SHISA9: variants seen among roughly 807,000 people sequenced by gnomAD.
The protein encoded by SHISA9 is shisa family member 9, also known as protein shisa-9.
Under a neutral mutation model 38.0 loss-of-function variants are expected in SHISA9, and 13 were observed. That is an observed-to-expected ratio of 0.34 (90% confidence interval 0.22 to 0.54). SHISA9 has a LOEUF of 0.54. SHISA9 is among the 20% of genes least tolerant of loss of function. The pLI, the probability that SHISA9 is intolerant of heterozygous loss-of-function variation, is 0.91. For missense variants in SHISA9, 538 were observed against 575.8 expected (o/e 0.93, Z 0.67); for synonymous variants, 275 against 242.0 (o/e 1.14, Z -1.27).
chr16:13,400,938 A>G, the SHISA9 span, among the ~76,000 whole-genome samples: 1 of 152,138 alleles, frequency 6.6e-6, no homozygotes, highest in Non-Finnish European at 1.5e-5. Flanking sequence ...TTATGAATGA[A>G]ATTGCTCCAG....
the SHISA9 span, among the ~76,000 whole-genome samples, chr16:13,439,261 A>G: frequency 3.3e-5 from 5 of 152,152 alleles, no homozygotes; most frequent in African/African-American, 1.2e-4. Flanking sequence ...AAAGGGAACA[A>G]ACTTTCAATT....
chr16:13,224,080 T>C (rs2051255670), intron 4 of SHISA9, among the ~76,000 whole-genome samples: 2 of 152,164 alleles, frequency 1.3e-5, no homozygotes, highest in African/African-American at 4.8e-5. Context: ...GTTGAGAGTA[T>C]TGAAGGGGAT....
At chr16:13,337,440 G>A in the SHISA9 span, among the ~76,000 whole-genome samples, 1 of 152,082 alleles carries the variant, frequency 6.6e-6, no homozygotes, top group Non-Finnish European at 1.5e-5. Context: ...ACGTGGAACT[G>A]TGAGTCCATT....
chr16:13,522,596 C>T, the SHISA9 span, among the ~76,000 whole-genome samples: 1 of 152,114 alleles, frequency 6.6e-6, no homozygotes, highest in Non-Finnish European at 1.5e-5. Flanking sequence ...AAGGGTTAGA[C>T]TTAATAAGAG....
the SHISA9 span, among the ~76,000 whole-genome samples, chr16:13,364,697 A>G: frequency 2.0e-5 from 3 of 152,200 alleles, no homozygotes; most frequent in Non-Finnish European, 4.4e-5. Context: ...TTGATTCCCT[A>G]TGTCTAAAGA....
At chr16:12,943,737 G>T (rs1301524136) in intron 2 of SHISA9, among the ~76,000 whole-genome samples, 1 of 151,876 alleles carries the variant, frequency 6.6e-6, no homozygotes, top group Non-Finnish European at 1.5e-5. Context: ...TTCTGTTCTG[G>T]GCATGCCTGT....
At chr16:12,960,550 A>C (rs942710780) in intron 2 of SHISA9, among the ~76,000 whole-genome samples, 22 of 152,214 alleles carry the variant, frequency 1.4e-4, no homozygotes, top group African/African-American at 5.1e-4. Context: ...GATAAAGAAA[A>C]TGTGGTACAT....
At chr16:13,146,249 G>A (rs2050446562) in intron 2 of SHISA9, among the ~76,000 whole-genome samples, 1 of 152,224 alleles carries the variant, frequency 6.6e-6, no homozygotes, top group Admixed American at 6.5e-5. Flanking sequence ...GATGCTGGAG[G>A]TCTCAGCCTA....
chr16:13,511,901 C>T, the SHISA9 span, among the ~76,000 whole-genome samples: 1 of 152,124 alleles, frequency 6.6e-6, no homozygotes, highest in Admixed American at 6.5e-5. Context: ...TTTTCCTAGA[C>T]ACCTGAGAGT....
At chr16:13,059,031 T>A (rs953109256) in intron 2 of SHISA9, among the ~76,000 whole-genome samples, 1 of 151,994 alleles carries the variant, frequency 6.6e-6, no homozygotes, top group Non-Finnish European at 1.5e-5. Flanking sequence ...AATGGTGTGT[T>A]CCCCCAACTC....
At chr16:13,034,146 CAAAA>C (rs35039631) in intron 2 of SHISA9, among the ~76,000 whole-genome samples, 3 of 141,408 alleles carry the variant, frequency 2.1e-5, no homozygotes. Context: ...AACTCCATCT[CAAAA>C]AAAAAAAAAA....
the SHISA9 span, among the ~76,000 whole-genome samples, chr16:13,313,649 T>C: frequency 2.0e-5 from 3 of 152,226 alleles, no homozygotes; most frequent in Non-Finnish European, 4.4e-5. Flanking sequence ...ATGAATAGTC[T>C]GTAATAACAT....
chr16:13,406,796 C>T, the SHISA9 span, among the ~76,000 whole-genome samples: 13 of 152,184 alleles, frequency 8.5e-5, no homozygotes, highest in Admixed American at 3.9e-4. Context: ...AGGTCGGGTG[C>T]GGTGGCTCAT....
At chr16:13,472,258 C>T in the SHISA9 span, among the ~76,000 whole-genome samples, 1 of 151,878 alleles carries the variant, frequency 6.6e-6, no homozygotes, top group East Asian at 1.9e-4. Context: ...AATTTTGGCT[C>T]TGGCAACTCT....
chr16:13,080,282 A>G (rs763226249), intron 2 of SHISA9, among the ~76,000 whole-genome samples: 18 of 152,336 alleles, frequency 1.2e-4, no homozygotes, highest in Middle Eastern at 6.8e-3. Context: ...CTGACGCAGG[A>G]GAATGGCATG....
the SHISA9 span, among the ~76,000 whole-genome samples, chr16:13,497,685 CA>C: frequency 0.012 from 1,310 of 106,328 alleles, 15 homozygotes; most frequent in African/African-American, 0.044. Context: ...ACTCCGTCTC[CA>C]AAAAAAAAAA....
At chr16:12,959,073 T>G (rs988013690) in intron 2 of SHISA9, among the ~76,000 whole-genome samples, 8 of 152,208 alleles carry the variant, frequency 5.3e-5, no homozygotes, top group African/African-American at 1.4e-4. Flanking sequence ...TATATTGCAA[T>G]GGGAAACCAT....
chr16:13,362,712 C>G, the SHISA9 span, among the ~76,000 whole-genome samples: 1 of 152,204 alleles, frequency 6.6e-6, no homozygotes, highest in Non-Finnish European at 1.5e-5. Flanking sequence ...AGTTTCCTCT[C>G]TTTCACTTCT....
the SHISA9 span, among the ~76,000 whole-genome samples, chr16:13,357,701 C>T: frequency 2.6e-5 from 4 of 151,106 alleles, no homozygotes; most frequent in African/African-American, 7.3e-5. Context: ...AGGGTGGGGC[C>T]GTTTTATAGG....
Sources: gnomAD v4.1 joint callset for allele counts (sites outside exome capture counted in the v4.1 genomes callset) on GRCh38, gnomAD v4.1.1 for gene constraint, MANE v1.5 for transcripts, NCBI Gene and HGNC (gene_info 2026-07-23, HGNC 2026-07-21) for gene names.